The following THSD7B variants were observed in gnomAD, a reference collection of about 807,000 sequenced individuals.
The protein encoded by THSD7B is thrombospondin type 1 domain containing 7B.
Under a neutral mutation model 213.6 loss-of-function variants are expected in THSD7B, and 138 were observed. The observed-to-expected ratio is 0.65, with a 90% CI of 0.56 to 0.74. THSD7B has a LOEUF of 0.74. Among genes scored for constraint, THSD7B ranks in the 30% least tolerant of loss-of-function variants. The probability of loss-of-function intolerance (pLI) is 0.00; values close to 1 mark genes in which losing one functional copy is unlikely to be tolerated. For missense variants in THSD7B, 1,931 were observed against 1,991.5 expected (o/e 0.97, Z 0.58); for synonymous variants, 742 against 687.0 (o/e 1.08, Z -1.25).
At chr2:137,306,055 C>T (rs937591201) in intron 12 of THSD7B, among the ~76,000 whole-genome samples, 2 of 152,136 alleles carry the variant, frequency 1.3e-5, no homozygotes, top group East Asian at 1.9e-4. Context: ...ATTTGCAGGA[C>T]TGGAAGTTGC....
At chr2:136,979,867 G>T (rs996042894) in intron 2 of THSD7B, among the ~76,000 whole-genome samples, 1 of 152,032 alleles carries the variant, frequency 6.6e-6, no homozygotes, top group Admixed American at 6.6e-5. Flanking sequence ...AATTTTCAGC[G>T]TGTTTGCATT....
chr2:137,389,283 T>C (rs1685965283), intron 12 of THSD7B, among the ~76,000 whole-genome samples: 1 of 147,906 alleles, frequency 6.8e-6, no homozygotes, highest in African/African-American at 2.5e-5. Flanking sequence ...TATCTCATTG[T>C]GGTTTTGAGT....
At chr2:137,177,364 G>A (rs1481551025) in intron 7 of THSD7B, among the ~76,000 whole-genome samples, 2 of 152,066 alleles carry the variant, frequency 1.3e-5, no homozygotes, top group African/African-American at 4.8e-5. Context: ...GATTGTATTG[G>A]AATAGTTCTG....
intron 1 of THSD7B, among the ~76,000 whole-genome samples, chr2:136,876,392 AT>A (rs1265052671): frequency 6.6e-6 from 1 of 152,188 alleles, no homozygotes; most frequent in Non-Finnish European, 1.5e-5. Context: ...GGCATATATA[AT>A]TGGCAATGAT....
intron 2 of THSD7B, among the ~76,000 whole-genome samples, chr2:136,918,263 C>A (rs13397474): frequency 0.052 from 7,841 of 152,116 alleles, 224 homozygotes; most frequent in Middle Eastern, 0.18. Flanking sequence ...GATGGAGGAA[C>A]CTTTCGTTAT....
At chr2:136,824,803 T>C (rs1682618037) in intron 1 of THSD7B, among the ~76,000 whole-genome samples, 1 of 152,220 alleles carries the variant, frequency 6.6e-6, no homozygotes, top group South Asian at 2.1e-4. Context: ...ATGCATCTTA[T>C]TAACTTGCCT....
chr2:136,837,563 A>G (rs887477388), intron 1 of THSD7B, among the ~76,000 whole-genome samples: 4 of 152,218 alleles, frequency 2.6e-5, no homozygotes, highest in Non-Finnish European at 5.9e-5. Flanking sequence ...TTAATATTTT[A>G]TAGCACTTCT....
rs72844348 is a variant in THSD7B, at chr2:137,376,637, C to T, written c.2501-28976C>T. ...CTTTCTACCTGCCAAATATGCATTT[C>T]TCTTGTACATGTACATAAAATAGGG... On this transcript the variant is annotated intron_variant, in intron 12 of 27. Transcript: ENST00000409968. Among the ~76,000 whole-genome samples the T allele has an allele frequency of 5.1e-3, 772 of 152,288 alleles. 7 individuals are homozygous for T. Among genetic ancestry groups the T allele is most frequent in the Non-Finnish European group, 9.5e-3 (646 of 68,016 alleles).
chr2:137,220,819 A>C lies in THSD7B; in HGVS notation c.1724-10225A>C, dbSNP rs191692684. Reference sequence around the variant, plus strand: ...TGAATAAACAAAACCTTCTACATCCATACAATGCAATGCTATTCAGCAACA... The same window carrying C: ...TGAATAAACAAAACCTTCTACATCCCTACAATGCAATGCTATTCAGCAACA... On this transcript the variant is annotated intron_variant, in intron 7 of 27. Transcript: ENST00000409968. Among the ~76,000 whole-genome samples the C allele has an allele frequency of 1.1e-4, 16 of 152,292 alleles. No homozygotes were observed. The East Asian group carries it at 2.9e-3, about 28-fold the overall frequency.
chr2:136,795,467 C>T lies in THSD7B; in HGVS notation c.-36+29780C>T, dbSNP rs375809104. Among the ~76,000 whole-genome samples, 30 of 152,092 alleles carry T rather than the reference C, an allele frequency of 2.0e-4. 1 individual carries two copies. Among genetic ancestry groups the T allele is most frequent in the Admixed American group, 1.3e-3 (20 of 15,268 alleles). ...TGTTTTAAGATCCTTAGCTTAATCA[C>T]ATCTGCAAAGTCCGTTTTGCTGTGT... On this transcript the variant is annotated intron_variant, in intron 1 of 27. Coordinates refer to ENST00000409968, the MANE Select transcript of THSD7B (RefSeq NM_001316349.2).
chr2:137,263,651 T>C (rs988199810), intron 10 of THSD7B, among the ~76,000 whole-genome samples: 2 of 152,210 alleles, frequency 1.3e-5, no homozygotes, highest in Admixed American at 1.3e-4. Flanking sequence ...CAGAAAAGCT[T>C]TGCAATTTCA....
chr2:137,169,184 C>G (rs528671993), intron 6 of THSD7B, among the ~76,000 whole-genome samples: 1 of 143,890 alleles, frequency 6.9e-6, no homozygotes, highest in East Asian at 2.0e-4. Context: ...AAAAAAAAAA[C>G]TCAAAGCACT....
At chr2:137,310,742 C>G (rs1573952153) in intron 12 of THSD7B, among the ~76,000 whole-genome samples, 1 of 151,914 alleles carries the variant, frequency 6.6e-6, no homozygotes, top group Non-Finnish European at 1.5e-5. Context: ...GTTTTCCCAG[C>G]ACCATTTATT....
intron 15 of THSD7B, among the ~76,000 whole-genome samples, chr2:137,513,731 G>T (rs768145946): frequency 2.2e-4 from 34 of 152,152 alleles, no homozygotes; most frequent in Admixed American, 2.0e-4. Flanking sequence ...AGCACCGTGA[G>T]GATTATTCTG....
intron 12 of THSD7B, among the ~76,000 whole-genome samples, chr2:137,315,063 T>G (rs1684051254): frequency 6.6e-6 from 1 of 152,214 alleles, no homozygotes; most frequent in Non-Finnish European, 1.5e-5. Context: ...CTGCTTTGTT[T>G]ACCTAAGCAA....
chr2:137,169,026 T>A (rs112576963), intron 6 of THSD7B, among the ~76,000 whole-genome samples: 57 of 152,102 alleles, frequency 3.7e-4, no homozygotes, highest in African/African-American at 6.5e-4. Flanking sequence ...CATTATTATT[T>A]TTTTTTTAAC....
In THSD7B at chr2:136,784,049, G is replaced by A. The variant is rs527767570; in HGVS notation, c.-36+18362G>A. On this transcript the variant is annotated intron_variant, in intron 1 of 27. Coordinates refer to ENST00000409968, the MANE Select transcript of THSD7B (RefSeq NM_001316349.2). The stretch of plus-strand genomic sequence containing the variant: ...AGGGTGTGTTCTAAGAATGTGTGTC[G>A]TGAGGAAACTTCTGTTTCCCAATGA... Among the ~76,000 whole-genome samples, 10 of 152,298 alleles carry A rather than the reference G, an allele frequency of 6.6e-5. No individual in the cohort carries two copies. In the South Asian group the frequency reaches 1.5e-3, roughly 22 times the overall value.
At chr2:136,799,199 T>A (rs1272947952) in intron 1 of THSD7B, among the ~76,000 whole-genome samples, 1 of 152,040 alleles carries the variant, frequency 6.6e-6, no homozygotes, top group Admixed American at 6.6e-5. Context: ...AGATGTTGGC[T>A]GGCCATGGGA....
rs754664136 is a variant in THSD7B at position 137,655,619 on chromosome 2, A to G, written c.4064A>G (p.Gln1355Arg). ...EDALCGEMPF[Q>R]DSILKQLCSV... The stretch of plus-strand genomic sequence containing the variant: ...GCACTGTGTGGAGAAATGCCCTTTC[A>G]GGACAGCATCCTGAAGCAGCTGTGT... The change falls in exon 22 of 28, where the codon CAG (glutamine) becomes CGG (arginine). Residue 1355 changes from glutamine to arginine, a missense_variant. Transcript: ENST00000409968. 2 of 1,613,166 alleles carry G rather than the reference A, an allele frequency of 1.2e-6. No individual in the cohort carries two copies. Among genetic ancestry groups the G allele is most frequent in the African/African-American group, 1.3e-5 (1 of 75,044 alleles).
Sources: gnomAD v4.1 joint callset for allele counts (sites outside exome capture counted in the v4.1 genomes callset) on GRCh38, gnomAD v4.1.1 for gene constraint, MANE v1.5 for transcripts, NCBI Gene and HGNC (gene_info 2026-07-23, HGNC 2026-07-21) for gene names.